CDH18: variants seen among roughly 807,000 people sequenced by gnomAD.
CDH18 encodes cadherin-18.
In CDH18, 31 loss-of-function variants were observed where a neutral mutation model predicts 67.9. The ratio of observed to expected loss-of-function variants is 0.46; its 90% CI spans 0.34 to 0.62. CDH18 has a LOEUF of 0.62. Ranked by LOEUF, CDH18 falls within the 20% of genes least tolerant of loss-of-function variation. The probability of loss-of-function intolerance (pLI) is 0.01; values close to 1 mark genes in which losing one functional copy is unlikely to be tolerated. For synonymous variants in CDH18, 362 were observed against 347.2 expected (o/e 1.04, Z -0.48); for missense variants, 890 against 975.5 (o/e 0.91, Z 1.17).
chr5:19,647,527 CAAAAAAAA>C (rs3062888), intron 5 of CDH18, among the ~76,000 whole-genome samples: 427 of 28,760 alleles, frequency 0.015, 1 homozygote, highest in African/African-American at 0.051. Context: ...GAGACTCCAT[CAAAAAAAA>C]AAAAAAAAAA....
intron 2 of CDH18, among the ~76,000 whole-genome samples, chr5:20,028,143 A>G (rs960512274): frequency 1.3e-5 from 2 of 151,438 alleles, no homozygotes; most frequent in African/African-American, 4.9e-5. Context: ...GTTTGTCATT[A>G]CTTTTAATGG....
chr5:19,861,217 T>C (rs989301407), intron 2 of CDH18, among the ~76,000 whole-genome samples: 6 of 152,114 alleles, frequency 3.9e-5, no homozygotes, highest in Admixed American at 1.3e-4. Context: ...AGAGAGAATA[T>C]TTATATAAAT....
chr5:19,793,678 T>A (rs1776583953), intron 3 of CDH18, among the ~76,000 whole-genome samples: 1 of 152,010 alleles, frequency 6.6e-6, no homozygotes, highest in African/African-American at 2.4e-5. Context: ...AGAACAGATA[T>A]AATATGTACA....
intron 2 of CDH18, among the ~76,000 whole-genome samples, chr5:20,214,518 C>T (rs939877823): frequency 4.6e-5 from 7 of 151,882 alleles, no homozygotes; most frequent in Admixed American, 4.6e-4. Flanking sequence ...AATACAGAGC[C>T]CAGAAATAAG....
intron 1 of CDH18, among the ~76,000 whole-genome samples, chr5:20,428,424 T>C (rs144856500): frequency 5.9e-5 from 9 of 152,324 alleles, no homozygotes; most frequent in African/African-American, 2.2e-4. Flanking sequence ...TAGGTCTTTA[T>C]AGTAGAATGA....
intron 2 of CDH18, among the ~76,000 whole-genome samples, chr5:19,859,578 G>A (rs1198719985): frequency 1.3e-5 from 2 of 152,080 alleles, no homozygotes; most frequent in East Asian, 3.9e-4. Context: ...TATGAAACCT[G>A]TATCCACAAC....
chr5:20,520,422 T>C (rs2126519119), intron 1 of CDH18, among the ~76,000 whole-genome samples: 2 of 152,214 alleles, frequency 1.3e-5, no homozygotes, highest in South Asian at 2.1e-4. Context: ...TAGAGTCTGA[T>C]GTAGAGGCCA....
At chr5:19,498,737 G>A (rs1350717695) in intron 11 of CDH18, among the ~76,000 whole-genome samples, 2 of 152,036 alleles carry the variant, frequency 1.3e-5, no homozygotes, top group Non-Finnish European at 2.9e-5. Flanking sequence ...ACTTTATATG[G>A]AACTTTAGCC....
chr5:19,959,826 A>G (rs898880001), intron 2 of CDH18, among the ~76,000 whole-genome samples: 6 of 152,124 alleles, frequency 3.9e-5, no homozygotes, highest in African/African-American at 1.4e-4. Context: ...GCTACTTCAC[A>G]CCTAGGCTGT....
Position 20,080,285 on chromosome 5 carries a change from G to C in CDH18, c.-517-88271C>G, listed in dbSNP as rs546959027. On this transcript the variant is annotated intron_variant, in intron 2 of 14. Transcript: ENST00000507958. ...CTTCCTTGAAATAGCAAAGTTTAAA[G>C]TATATTTAACATCTTTTTTTGTTGC... Among the ~76,000 whole-genome samples, 4 of 151,980 alleles carry C rather than the reference G, an allele frequency of 2.6e-5. No individual in the cohort carries two copies. In the East Asian group the frequency reaches 7.8e-4, roughly 29 times the overall value.
intron 2 of CDH18, among the ~76,000 whole-genome samples, chr5:19,943,286 G>A (rs966149437): frequency 1.3e-5 from 2 of 152,092 alleles, no homozygotes; most frequent in Non-Finnish European, 2.9e-5. Context: ...GAATTCAAAT[G>A]TGGTCTCTTG....
At chr5:20,055,738 A>G (rs1357241945) in intron 2 of CDH18, among the ~76,000 whole-genome samples, 2 of 152,178 alleles carry the variant, frequency 1.3e-5, no homozygotes, top group African/African-American at 4.8e-5. Context: ...ATCATCCCTT[A>G]TTGAGTTAGC....
rs146611270 is a variant in CDH18, at chr5:19,742,734, ACT to A, written c.523+4206_523+4207del. Among the ~76,000 whole-genome samples, 361 of 145,578 alleles carry A rather than the reference ACT, an allele frequency of 2.5e-3. 1 individual carries two copies. Among genetic ancestry groups the A allele is most frequent in the Admixed American group, 2.6e-3 (38 of 14,496 alleles). On this transcript the variant is annotated intron_variant, in intron 4 of 12. Coordinates refer to ENST00000382275, the MANE Select transcript of CDH18 (RefSeq NM_004934.5). ...AGCTCTCAGCACATAAAGTGCATTT[ACT>A]CTCTCTCTCTCTCTCTCTCTCACTC...
At chr5:19,606,230 T>C (rs1748012143) in intron 6 of CDH18, among the ~76,000 whole-genome samples, 2 of 152,108 alleles carry the variant, frequency 1.3e-5, no homozygotes, top group Admixed American at 6.6e-5. Flanking sequence ...TGCCCCTCTT[T>C]GAAAGATTGC....
At chr5:19,717,532 G>C (rs1765489051) in intron 5 of CDH18, among the ~76,000 whole-genome samples, 1 of 152,132 alleles carries the variant, frequency 6.6e-6, no homozygotes, top group East Asian at 1.9e-4. Flanking sequence ...AGCTTTTGTA[G>C]TCACCACCTG....
intron 9 of CDH18, 135 bp from the exon 10 acceptor site, chr5:19,520,913 T>C: frequency 1.2e-6 from 1 of 831,900 alleles, no homozygotes; most frequent in Non-Finnish European, 1.9e-6. Flanking sequence ...ACGACAACTT[T>C]ATGAAGGCGC....
intron 1 of CDH18, among the ~76,000 whole-genome samples, chr5:19,982,042 A>T (rs12659927): frequency 6.6e-6 from 1 of 151,976 alleles, no homozygotes; most frequent in Non-Finnish European, 1.5e-5. Context: ...AATTTACTAT[A>T]TAACAGGAAA....
chr5:19,969,300 T>A (rs1314363112), intron 2 of CDH18, among the ~76,000 whole-genome samples: 1 of 141,204 alleles, frequency 7.1e-6, no homozygotes, highest in African/African-American at 3.1e-5. Context: ...TCCTCAGGGA[T>A]CTAGAACTAG....
intron 1 of CDH18, among the ~76,000 whole-genome samples, chr5:19,983,033 GAAAAA>G (rs58434622): frequency 2.0e-5 from 2 of 100,368 alleles, no homozygotes; most frequent in Non-Finnish European, 1.9e-5. Context: ...ACTCCATCTC[GAAAAA>G]AAAAAAAAAA....
Sources: allele counts gnomAD v4.1 joint callset (sites outside exome capture counted in the v4.1 genomes callset), GRCh38; gene constraint gnomAD v4.1.1; transcripts MANE v1.5; gene names NCBI Gene and HGNC (gene_info 2026-07-23, HGNC 2026-07-21).